TMPRSS9: variants seen among roughly 807,000 people sequenced by gnomAD.
TMPRSS9 encodes the protein transmembrane serine protease 9.
TMPRSS9 carries 113 observed loss-of-function variants against 111.4 expected under a neutral mutation model. The ratio of observed to expected loss-of-function variants is 1.01; its 90% confidence interval spans 0.87 to 1.19. The LOEUF is 1.19. TMPRSS9 is among the 50% of genes most tolerant of loss of function. TMPRSS9 has a pLI of 0.00. For synonymous variants in TMPRSS9, 805 were observed against 659.1 expected, an observed-to-expected ratio of 1.22 and a Z score of -3.39; for missense variants, 1,803 against 1,513.1, an observed-to-expected ratio of 1.19 and a Z score of -3.18.
rs200805747 is a variant in TMPRSS9, at chr19:2,405,467, G to C, written c.764G>C (p.Arg255Pro). 8.7e-6 allele frequency: 14 copies of C among 1,608,780 alleles called. No individual in the cohort carries two copies. Among genetic ancestry groups the C allele is most frequent in the African/African-American group, 2.7e-5 (2 of 74,550 alleles). Residue 255 changes from arginine to proline, a missense_variant, in exon 7 of 18, where the codon CGA becomes CCA. Physicochemically the swap from Arg to Pro is moderately radical, Grantham distance 103. Transcript: ENST00000648592. ...GAGTTTCCGTGGCAAGCCAGCCTTC[G>C]AGAGAACAAGGAGCACTTCTGTGGG...
upstream of TMPRSS9, among the ~76,000 whole-genome samples, chr19:2,387,896 T>A (rs944770515): frequency 6.6e-6 from 1 of 152,038 alleles, no homozygotes; most frequent in African/African-American, 2.4e-5. Flanking sequence ...TGTGACCAGC[T>A]CACAGAGGGG....
exon 16 of TMPRSS9, chr19:2,425,026 G>T: frequency 6.5e-7 from 1 of 1,544,596 alleles, no homozygotes; most frequent in East Asian, 2.4e-5. Context: ...AGCAGTGGGC[G>T]GCCTTCCTAG....
chr19:2,382,872 G>C (rs10404148), intron 1 of TMPRSS9, among the ~76,000 whole-genome samples: 1 of 151,934 alleles, frequency 6.6e-6, no homozygotes, highest in Non-Finnish European at 1.5e-5. Context: ...AGGGGCTGCA[G>C]GTCTGGAATC....
At chr19:2,404,738 C>G (rs1283638907) in intron 6 of TMPRSS9, among the ~76,000 whole-genome samples, 2 of 151,910 alleles carry the variant, frequency 1.3e-5, no homozygotes, top group Admixed American at 1.3e-4. Context: ...CGAGACCAGC[C>G]TGGTCAATTT....
At chr19:2,404,982 GTGA>G (rs1226646504) in intron 6 of TMPRSS9, among the ~76,000 whole-genome samples, 1 of 151,126 alleles carries the variant, frequency 6.6e-6, no homozygotes, top group Non-Finnish European at 1.5e-5. Flanking sequence ...TGCCATGCCT[GTGA>G]TGATAATTAT....
intron 11 of TMPRSS9, 158 bp from the exon 13 acceptor site, chr19:2,416,380 T>A (rs1971230900): frequency 1.0e-6 from 1 of 972,660 alleles, no homozygotes; most frequent in Admixed American, 3.0e-5. Context: ...CAGCCCCTCT[T>A]TCCCTGGTCC....
chr19:2,405,513 G>A, exon 7 of TMPRSS9: 1 of 1,598,040 alleles, frequency 6.3e-7, no homozygotes, highest in South Asian at 1.1e-5. Flanking sequence ...TCAACGCCAG[G>A]TGGCTGGTGT....
intron 13 of TMPRSS9, 73 bp from the exon 15 acceptor site, chr19:2,421,781 G>T: frequency 6.7e-7 from 1 of 1,491,330 alleles, no homozygotes; most frequent in Non-Finnish European, 9.0e-7. Context: ...CTGTAGGAAC[G>T]CAGGAGGGTA....
At chr19:2,418,311 C>CTCCTTGTCCTTCCTTTTCCT (rs1568189292) in intron 13 of TMPRSS9, among the ~76,000 whole-genome samples, 173 bp downstream of exon 14, 2 of 31,188 alleles carry the variant, frequency 6.4e-5, no homozygotes, top group African/African-American at 6.9e-4. Flanking sequence ...CTCCCTTTCC[C>CTCCTTGTCCTTCCTTTTCCT]TCCCTCCCTC....
chr19:2,363,914 A>G (rs180763611), intron 1 of TMPRSS9, among the ~76,000 whole-genome samples: 1 of 151,536 alleles, frequency 6.6e-6, no homozygotes, highest in Non-Finnish European at 1.5e-5. Flanking sequence ...GGGCATGCTG[A>G]TATTAGCTGG....
intron 1 of TMPRSS9, among the ~76,000 whole-genome samples, chr19:2,374,505 C>T (rs1568169204): frequency 1.3e-5 from 2 of 151,550 alleles, no homozygotes; most frequent in African/African-American, 4.8e-5. Context: ...ACCTGGGAGG[C>T]GGAGGTTGCA....
chr19:2,414,063 T>C (rs996773276), intron 10 of TMPRSS9, 45 bp downstream of exon 11: 2 of 1,475,242 alleles, frequency 1.4e-6, no homozygotes, highest in Middle Eastern at 1.8e-4. Context: ...CGTGCCTATC[T>C]TGATTTAGGG....
At chr19:2,415,897 C>G in intron 11 of TMPRSS9, 56 bp downstream of exon 12, 1 of 1,515,798 alleles carries the variant, frequency 6.6e-7, no homozygotes, top group Non-Finnish European at 8.9e-7. Flanking sequence ...ACCAGCCCCT[C>G]CCTGTCAGAA....
chr19:2,413,499 C>T (rs534850459), intron 9 of TMPRSS9, among the ~76,000 whole-genome samples: 1 of 152,318 alleles, frequency 6.6e-6, no homozygotes, highest in East Asian at 1.9e-4. Flanking sequence ...TATAGTCCAA[C>T]TGTCTTGGGT....
chr19:2,413,869 C>T, exon 10 of TMPRSS9: 3 of 1,613,668 alleles, frequency 1.9e-6, no homozygotes, highest in East Asian at 2.2e-5. Context: ...GCCAGCATGC[C>T]TCTGGCCCCC....
At chr19:2,425,493 G>T in exon 17 of TMPRSS9, 1 of 1,575,588 alleles carries the variant, frequency 6.3e-7, no homozygotes, top group Non-Finnish European at 8.6e-7. Context: ...ACAGCTGCTC[G>T]GTGAGCCCCG....
At chr19:2,371,975 A>C (rs2145247652) in intron 1 of TMPRSS9, among the ~76,000 whole-genome samples, 1 of 152,196 alleles carries the variant, frequency 6.6e-6, no homozygotes. Context: ...ATCTCGGCTC[A>C]CTGCAACCTC....
In TMPRSS9 at chr19:2,405,549, A is replaced by G; in HGVS notation, c.842+4A>G. On this transcript the variant is annotated splice_donor_region_variant and intron_variant, in intron 7 of 17. Transcript: ENST00000648592. Reference sequence around the variant, plus strand: ...CTGCTGCTCACTGCTTCAATGAGTAAGCCCCCATCCCAAAGCACCAAACCC... The same window carrying G: ...CTGCTGCTCACTGCTTCAATGAGTAGGCCCCCATCCCAAAGCACCAAACCC... The G allele has an allele frequency of 6.4e-7, 1 of 1,551,628 alleles. No individual in the cohort carries two copies. Among genetic ancestry groups the G allele is most frequent in the Non-Finnish European group, 8.7e-7 (1 of 1,151,346 alleles).
intron 4 of TMPRSS9, among the ~76,000 whole-genome samples, chr19:2,401,144 G>C (rs184565329): frequency 1.3e-5 from 2 of 151,956 alleles, no homozygotes; most frequent in African/African-American, 4.8e-5. Flanking sequence ...CGTGGTGGCG[G>C]GCGCCTGTAG....
Sources: gnomAD v4.1 joint callset for allele counts (sites outside exome capture counted in the v4.1 genomes callset) on GRCh38, gnomAD v4.1.1 for gene constraint, MANE v1.5 for transcripts, NCBI Gene and HGNC (gene_info 2026-07-23, HGNC 2026-07-21) for gene names.